MYBPC2: variants seen among roughly 807,000 people sequenced by gnomAD.
MYBPC2 encodes the protein myosin binding protein C2, also known as myosin-binding protein C, fast-type.
Under a neutral mutation model 137.0 loss-of-function variants are expected in MYBPC2, and 122 were observed. The observed-to-expected ratio is 0.89, with a 90% confidence interval of 0.77 to 1.03. MYBPC2 has a LOEUF of 1.03. Ranked by LOEUF, MYBPC2 falls within the 50% of genes least tolerant of loss-of-function variation. MYBPC2 has a pLI of 0.00. For synonymous variants in MYBPC2, 626 were observed against 612.3 expected (o/e 1.02, Z -0.33); for missense variants, 1,500 against 1,534.4 (o/e 0.98, Z 0.37).
chr19:50,435,814 C>G lies in MYBPC2; in HGVS notation c.148C>G (p.Pro50Ala). Residue 50 changes from proline to alanine, a missense_variant, in exon 3 of 28, where the codon CCC becomes GCC. Transcript: ENST00000357701. This position sits in a 1 kb window ranked among gnomAD's most constrained non-coding sequence, Gnocchi z 4.8. ...GGACCAGTCCCCGACTGCAGAGGAGCCCACCGGCGTTTTCCTGAAGAAGCC... is the reference window on the plus strand; with the variant it reads ...GGACCAGTCCCCGACTGCAGAGGAGGCCACCGGCGTTTTCCTGAAGAAGCC... ...PEDQSPTAEE[P>A]TGVFLKKPDS... 1 of 1,611,404 alleles carries G rather than the reference C, an allele frequency of 6.2e-7. No homozygotes were observed. The highest frequency in any genetic ancestry group is 1.7e-5 in the Admixed American group (1 of 59,782).
At chr19:50,459,973 G>A (rs1416365369) in intron 23 of MYBPC2, 67 bp from the exon 24 acceptor site, 4 of 1,541,598 alleles carry the variant, frequency 2.6e-6, no homozygotes, top group Non-Finnish European at 3.5e-6. Context: ...GTGTGGAGAG[G>A]GGAGGGGAGG....
chr19:50,448,257 G>A lies in MYBPC2; in HGVS notation c.1339G>A (p.Asp447Asn). 6.2e-7 allele frequency: 1 copy of A among 1,613,814 alleles called. No homozygotes were observed. The highest frequency in any genetic ancestry group is 8.5e-7 in the Non-Finnish European group (1 of 1,179,758). ...GCTGGAGGTCCTGCAGGACATCGCG[G>A]ATCTGACGGTGAAGGCCTCAGAACA... The part of the protein sequence containing the change: ...KQLEVLQDIA[D>N]LTVKASEQAV... The change falls in exon 13 of 28, where the codon GAT becomes AAT. Residue 447 changes from aspartate (D) to asparagine (N), a missense_variant. Physicochemically the swap from Asp to Asn is conservative, Grantham distance 23. Transcript: ENST00000357701.
At chr19:50,460,274 C>T in intron 24 of MYBPC2, 95 bp downstream of exon 24, 4 of 1,466,244 alleles carry the variant, frequency 2.7e-6, no homozygotes, top group Non-Finnish European at 3.6e-6. Flanking sequence ...CAGGGAGGGG[C>T]CCAGAGGCTA....
intron 5 of MYBPC2, among the ~76,000 whole-genome samples, chr19:50,437,018 C>T (rs887852506): frequency 3.3e-5 from 5 of 152,034 alleles, no homozygotes; most frequent in African/African-American, 4.8e-5. Flanking sequence ...GTAGGCAAAA[C>T]GGCTTGGGAA....
chr19:50,442,403 G>T, intron 9 of MYBPC2, 90 bp downstream of exon 9: 3 of 1,510,070 alleles, frequency 2.0e-6, no homozygotes, highest in Non-Finnish European at 2.7e-6. Flanking sequence ...TAACCAGAAA[G>T]GGCATATTCA....
At position 50,451,845 on chromosome 19, in the gene MYBPC2, A is replaced by G. The variant is rs1013625729; in HGVS notation, c.1610-19A>G. The stretch of plus-strand genomic sequence containing the variant: ...AGCCTCCCACTCCCAGGGTCCCTGT[A>G]TCTCTTCTGTGCCACCAGAGCCACC... On this transcript the variant is annotated intron_variant, in intron 15 of 27. Transcript: ENST00000357701. 20 of 1,585,416 alleles carry G rather than the reference A, an allele frequency of 1.3e-5. No homozygotes were observed. Among genetic ancestry groups the G allele is most frequent in the African/African-American group, 2.7e-5 (2 of 74,340 alleles).
In MYBPC2 at chr19:50,445,394, CT is replaced by C. The variant is rs1256768181; in HGVS notation, c.1134-470del. ...ACTTCCTCCTCTCTCTCCTCACTGC[CT>C]TTTTTTTTTTTTTTTGAGACAGAGT... On this transcript the variant is annotated intron_variant, in intron 11 of 27. Coordinates refer to ENST00000357701, the MANE Select transcript of MYBPC2 (RefSeq NM_004533.4). Among the ~76,000 whole-genome samples, 447 of 137,408 alleles carry C rather than the reference CT, an allele frequency of 3.3e-3. 1 individual carries two copies. The highest frequency in any genetic ancestry group is 5.3e-3 in the African/African-American group (201 of 37,840). 90.1% of individuals were successfully genotyped at this position (137,408 alleles called of 152,430 possible).
rs551961289 is a variant in MYBPC2 at position 50,437,166 on chromosome 19, A to C, written c.464-307A>C. Reference sequence around the variant, plus strand: ...TATGGGCTCTGGGGGTCTGCAGCCCAGAATGTGTGAGGGCTTAAATGTGGG... The same window carrying C: ...TATGGGCTCTGGGGGTCTGCAGCCCCGAATGTGTGAGGGCTTAAATGTGGG... On this transcript the variant is annotated intron_variant, in intron 5 of 27. Transcript: ENST00000357701. Among the ~76,000 whole-genome samples, 9 of 152,138 alleles carry C rather than the reference A, an allele frequency of 5.9e-5. No individual in the cohort carries two copies. The East Asian group carries it at 1.7e-3, about 29-fold the overall frequency.
intron 23 of MYBPC2, 128 bp downstream of exon 23, chr19:50,459,434 G>A (rs1462305947): frequency 2.3e-6 from 2 of 851,262 alleles, no homozygotes; most frequent in South Asian, 1.8e-5. Context: ...GGTGAGATGA[G>A]GGATGGGAGA....
rs1430284509 is a variant in MYBPC2 at position 50,466,124 on chromosome 19, G to GCTC, written c.3416-62_3416-60dup. On this transcript the variant is annotated intron_variant, in intron 27 of 27. Coordinates refer to ENST00000357701, the MANE Select transcript of MYBPC2 (RefSeq NM_004533.4). This position sits in a 1 kb window ranked among gnomAD's most constrained non-coding sequence, Gnocchi z 4.9. ...TCCCCCTGCTGGTCATGTGGATGCA[G>GCTC]CTCCTCCTCCTGGGGCTTCAGGAGG... 1 of 1,605,096 alleles carries GCTC rather than the reference G, an allele frequency of 6.2e-7. No individual in the cohort carries two copies. Among genetic ancestry groups the GCTC allele is most frequent in the African/African-American group, 1.3e-5 (1 of 74,722 alleles).
chr19:50,433,057 G>A, intron 1 of MYBPC2, 85 bp downstream of exon 1: 1 of 1,449,838 alleles, frequency 6.9e-7, no homozygotes, highest in Non-Finnish European at 9.1e-7. Flanking sequence ...TGTAGGGTTG[G>A]GAGAAGGAGG....
Position 50,459,099 on chromosome 19 carries a change from C to A in MYBPC2, c.2596-12C>A, listed in dbSNP as rs746995544. ...CCCGCTGACCCCACCCCGCCCCGCC[C>A]TCTCCCCGCAGGGAAAGCCCCGGCC... On this transcript the variant is annotated splice_polypyrimidine_tract_variant and intron_variant, in intron 22 of 27. Coordinates refer to ENST00000357701, the MANE Select transcript of MYBPC2 (RefSeq NM_004533.4). 4.2e-5 allele frequency: 65 copies of A among 1,551,434 alleles called. No homozygotes were observed. The highest frequency in any genetic ancestry group is 5.8e-5 in the Admixed American group (3 of 51,524).
chr19:50,459,246 G>A lies in MYBPC2; in HGVS notation c.2731G>A (p.Glu911Lys), dbSNP rs373562000. Residue 911 changes from glutamate (E) to lysine (K), a missense_variant, in exon 23 of 28, where the codon GAG (glutamate) becomes AAG (lysine). Coordinates refer to ENST00000357701, the MANE Select transcript of MYBPC2 (RefSeq NM_004533.4). ...GGCCCGCTCCGACTCCGGGGAGTAC[G>A]AGCTGAGCGTGCAGATCGAGAACAT... The part of the protein sequence containing the change: ...QAARSDSGEY[E>K]LSVQIENMKD... 9 of 1,611,316 alleles carry A rather than the reference G, an allele frequency of 5.6e-6. No homozygotes were observed. Among genetic ancestry groups the A allele is most frequent in the African/African-American group, 2.7e-5 (2 of 74,686 alleles).
Position 50,436,109 on chromosome 19 carries a change from C to T in MYBPC2, c.294C>T (p.Ser98=). The T allele has an allele frequency of 2.5e-6, 4 of 1,581,650 alleles. No individual in the cohort carries two copies. Among genetic ancestry groups the T allele is most frequent in the Middle Eastern group, 1.7e-4 (1 of 6,030 alleles). The change falls in exon 4 of 28, where the codon AGC becomes AGT. Residue 98 remains serine (S), a synonymous_variant. Transcript: ENST00000357701. ...AGGGGAAGTGGCTGGAGCTGGGCAG[C>T]AAGAGTGGCGCCCGCTTCTCCTTCA... ...WFKGKWLELG[S]KSGARFSFKE... is the part of the protein sequence containing the mutation.
chr19:50,440,687 C>T (rs1444755026), intron 7 of MYBPC2, among the ~76,000 whole-genome samples, 193 bp from the exon 8 acceptor site: 1 of 150,796 alleles, frequency 6.6e-6, no homozygotes, highest in African/African-American at 2.4e-5. Flanking sequence ...CCAAAAAACC[C>T]AGTGGGGACT....
Position 50,445,949 on chromosome 19 carries a change from G to A in MYBPC2, c.1203G>A (p.Gly401=), listed in dbSNP as rs1223459472. ...FKARYRFKKD[G]KRHILIFSDV... ...CCCGGTACCGCTTCAAGAAGGACGG[G>A]AAGCGCCACATCCTCATCTTCTCAG... is the stretch of plus-strand genomic sequence containing the variant. The change falls in exon 12 of 28, where the codon GGG becomes GGA. Residue 401 remains glycine (G), a synonymous_variant. Transcript: ENST00000357701. The A allele has an allele frequency of 6.2e-7, 1 of 1,612,426 alleles. No homozygotes were observed. Among genetic ancestry groups the A allele is most frequent in the Admixed American group, 1.7e-5 (1 of 59,800 alleles).
At chr19:50,454,229 C>G (rs1185902692) in intron 17 of MYBPC2, 36 bp from the exon 18 acceptor site, 3 of 1,613,788 alleles carry the variant, frequency 1.9e-6, no homozygotes, top group Non-Finnish European at 2.5e-6. Context: ...CTCCCTGAGG[C>G]CTCGAGGGGC....
At chr19:50,451,239 C>T in intron 14 of MYBPC2, 41 bp from the exon 15 acceptor site, 2 of 1,611,244 alleles carry the variant, frequency 1.2e-6, no homozygotes, top group South Asian at 2.2e-5. Context: ...GAGGGGCCTG[C>T]TGAGTTTAGA....
Position 50,459,972 on chromosome 19 carries a change from G to T in MYBPC2, c.2792-68G>T. On this transcript the variant is annotated intron_variant, in intron 23 of 27. Transcript: ENST00000357701. ...AATCAGGAGGGAGGGGGTGTGGAGA[G>T]GGGAGGGGAGGGAAGCGGCTGGACA... is the stretch of plus-strand genomic sequence containing the variant. The T allele has an allele frequency of 1.9e-6, 3 of 1,541,248 alleles. No individual in the cohort carries two copies. The Admixed American group carries it at 5.9e-5, about 30-fold the overall frequency.
Sources: gnomAD v4.1 joint callset for allele counts (sites outside exome capture counted in the v4.1 genomes callset) on GRCh38, gnomAD v4.1.1 for gene constraint, Gnocchi (gnomAD v3.1) non-coding constraint, MANE v1.5 for transcripts, NCBI Gene and HGNC (gene_info 2026-07-23, HGNC 2026-07-21) for gene names.